The following ETFBKMT variants were observed in gnomAD, a reference collection of about 807,000 sequenced individuals.
ETFBKMT encodes electron transfer flavoprotein subunit beta lysine methyltransferase, also known as electron transfer flavoprotein beta subunit lysine methyltransferase.
ETFBKMT carries 13 observed loss-of-function variants against 18.3 expected under a neutral mutation model. The ratio of observed to expected loss-of-function variants is 0.71; its 90% CI spans 0.46 to 1.13. The LOEUF is 1.13. Among genes scored for constraint, ETFBKMT ranks in the 50% most tolerant of loss-of-function variants. ETFBKMT has a pLI of 0.00. For missense variants in ETFBKMT, 293 were observed against 306.2 expected, an observed-to-expected ratio of 0.96 and a Z score of 0.32; for synonymous variants, 84 against 107.9, an observed-to-expected ratio of 0.78 and a Z score of 1.37.
At chr12:31,654,414 A>G (rs759661926), upstream of ETFBKMT, among the ~76,000 whole-genome samples, 3 of 152,190 alleles carry the variant, frequency 2.0e-5, no homozygotes, top group Non-Finnish European at 4.4e-5. Context: ...TAGCCATTGC[A>G]CTCCTAGGTA....
At chr12:31,659,986 T>TAAAAAA (rs10567575) in intron 1 of ETFBKMT, 197 bp downstream of exon 1, 3 of 101,252 alleles carry the variant, frequency 3.0e-5, no homozygotes, top group Non-Finnish European at 4.0e-5. Context: ...TCGTCTCTAC[T>TAAAAAA]AAAAAAAAAA....
Position 31,648,633 on chromosome 12 carries a change from C to T in ETFBKMT, c.-114+1378C>T, listed in dbSNP as rs529197448. ...CTGGAGTTCAGTGGCGCAATCTCGGCTCACTGCAAGCTCTGCCTCCCGGGT... is the reference window on the plus strand; with the variant it reads ...CTGGAGTTCAGTGGCGCAATCTCGGTTCACTGCAAGCTCTGCCTCCCGGGT... On this transcript the variant is annotated intron_variant, in intron 1 of 3. Transcript: ENST00000412352. Among the ~76,000 whole-genome samples the T allele has an allele frequency of 6.4e-5, 9 of 140,016 alleles. No individual in the cohort carries two copies. The East Asian group carries it at 2.1e-3, about 32-fold the overall frequency. 91.9% of individuals were successfully genotyped at this position (140,016 alleles called of 152,430 possible). A position where few individuals can be genotyped will look rare whatever the true frequency, so the allele number is the denominator to read the frequency against.
chr12:31,663,704 C>T (rs1433398581), intron 2 of ETFBKMT, among the ~76,000 whole-genome samples: 3 of 152,194 alleles, frequency 2.0e-5, no homozygotes, highest in Admixed American at 6.5e-5. Flanking sequence ...GGCTGACCTG[C>T]GAGTGGTATC....
At chr12:31,658,797 G>A (rs1431626448), upstream of ETFBKMT, among the ~76,000 whole-genome samples, 1 of 152,128 alleles carries the variant, frequency 6.6e-6, no homozygotes, top group Non-Finnish European at 1.5e-5. Context: ...GATATATGTA[G>A]ATCCAGACTC....
At chr12:31,665,995 T>G (rs990994583) in intron 2 of ETFBKMT, 92 bp from the exon 3 acceptor site, 8 of 1,114,312 alleles carry the variant, frequency 7.2e-6, no homozygotes, top group East Asian at 2.7e-5. Flanking sequence ...TAGCCAGTTT[T>G]GGGGCCAGTT....
Position 31,670,342 on chromosome 12 carries a change from T to C in ETFBKMT, c.*2352T>C, listed in dbSNP as rs1220218670. 1 of 152,264 alleles carries C rather than the reference T, an allele frequency of 6.6e-6. No homozygotes were observed. The highest frequency in any genetic ancestry group is 2.4e-5 in the African/African-American group (1 of 41,470). The allele number at this position is 152,264 out of a possible 1,614,324, so 9.4% of individuals were successfully genotyped here. The stretch of plus-strand genomic sequence containing the variant: ...TTAATTCTCTAATGGATCTAAGTGT[T>C]GTTGACTTTTCAGTTTATTGAGCTT... On this transcript the variant is annotated 3_prime_UTR_variant, in exon 4 of 4. Coordinates refer to ENST00000357721, the MANE Select transcript of ETFBKMT (RefSeq NM_001135863.2).
chr12:31,647,505 T>TA (rs1446560854), intron 1 of ETFBKMT, among the ~76,000 whole-genome samples: 1 of 152,156 alleles, frequency 6.6e-6, no homozygotes, highest in Non-Finnish European at 1.5e-5. Context: ...ACAGAGGTCA[T>TA]AATAGTATAC....
At chr12:31,651,783 A>C (rs896881603) in intron 1 of ETFBKMT, among the ~76,000 whole-genome samples, 34 of 152,210 alleles carry the variant, frequency 2.2e-4, no homozygotes, top group African/African-American at 7.7e-4. Context: ...AGAAGAAATC[A>C]CTTAGGCAGA....
chr12:31,650,296 C>T (rs937669711), intron 1 of ETFBKMT, among the ~76,000 whole-genome samples: 2 of 152,020 alleles, frequency 1.3e-5, no homozygotes, highest in African/African-American at 4.8e-5. Context: ...ACACTCCCAC[C>T]AGTGCCATGA....
rs754414225 is a variant in ETFBKMT, at chr12:31,661,997, G to A, written c.44G>A (p.Gly15Asp). 2 of 1,614,176 alleles carry A rather than the reference G, an allele frequency of 1.2e-6. No individual in the cohort carries two copies. Among genetic ancestry groups the A allele is most frequent in the South Asian group, 2.2e-5 (2 of 91,088 alleles). The change falls in exon 2 of 4, where the codon GGT becomes GAT. Residue 15 changes from glycine (G) to aspartate (D), a missense_variant. Coordinates refer to ENST00000357721, the MANE Select transcript of ETFBKMT (RefSeq NM_001135863.2). ...LGWKAHRNHCGLLLQALRSSG... is the reference protein window; with the variant it reads ...LGWKAHRNHCDLLLQALRSSG... The stretch of plus-strand genomic sequence containing the variant: ...TGGAAAGCACACAGGAACCACTGTG[G>A]TCTCCTCTTGCAGGCTCTGCGAAGC...
chr12:31,669,569 G>A lies in ETFBKMT; in HGVS notation c.*1579G>A, dbSNP rs1309452166. Reference sequence around the variant, plus strand: ...TACTTTCCCTATCCTCATACCAGAAGAGGGGATTTTTCTCTGATCCTCACC... The same window carrying A: ...TACTTTCCCTATCCTCATACCAGAAAAGGGGATTTTTCTCTGATCCTCACC... On this transcript the variant is annotated 3_prime_UTR_variant, in exon 4 of 4. Coordinates refer to ENST00000357721, the MANE Select transcript of ETFBKMT (RefSeq NM_001135863.2). 2 of 152,250 alleles carry A rather than the reference G, an allele frequency of 1.3e-5. No individual in the cohort carries two copies. The highest frequency in any genetic ancestry group is 2.9e-5 in the Non-Finnish European group (2 of 68,060). 9.4% of individuals were successfully genotyped at this position (152,250 alleles called of 1,614,324 possible).
intron 2 of ETFBKMT, among the ~76,000 whole-genome samples, chr12:31,665,843 G>A (rs1466974887): frequency 6.6e-6 from 1 of 152,280 alleles, no homozygotes; most frequent in Non-Finnish European, 1.5e-5. Context: ...GCTATTGTTT[G>A]TGGTTTAAGA....
intron 1 of ETFBKMT, among the ~76,000 whole-genome samples, chr12:31,653,208 CAA>C (rs33928613): frequency 7.3e-5 from 7 of 95,370 alleles, no homozygotes; most frequent in African/African-American, 8.5e-5. Flanking sequence ...GACTCCGTCT[CAA>C]AAAAAAAAAA....
At chr12:31,660,523 A>C (rs929776683) in intron 1 of ETFBKMT, among the ~76,000 whole-genome samples, 17 of 151,950 alleles carry the variant, frequency 1.1e-4, no homozygotes, top group South Asian at 2.1e-4. Flanking sequence ...GTGTTTTTCT[A>C]TATATATATA....
At position 31,662,195 on chromosome 12, in the gene ETFBKMT, A is replaced by T. The variant is rs779853147; in HGVS notation, c.242A>T (p.Glu81Val). ...ACCCCCAGATGCAAATTCTGGTGGGAGAGAGCTGACCTGTGGCCCCACAGT... is the reference window on the plus strand; with the variant it reads ...ACCCCCAGATGCAAATTCTGGTGGGTGAGAGCTGACCTGTGGCCCCACAGT... Reference protein sequence around the residue: ...LLTPRCKFWWERADLWPHSDP... With the variant: ...LLTPRCKFWWVRADLWPHSDP... The change falls in exon 2 of 4, where the codon GAG becomes GTG. Residue 81 changes from glutamate (E) to valine (V), a missense_variant. Transcript: ENST00000357721. The T allele has an allele frequency of 1.2e-6, 2 of 1,614,078 alleles. No individual in the cohort carries two copies.
chr12:31,653,905 G>A (rs757345890), intron 1 of ETFBKMT, among the ~76,000 whole-genome samples: 4 of 152,036 alleles, frequency 2.6e-5, no homozygotes, highest in African/African-American at 7.2e-5. Flanking sequence ...CTGAGATAGC[G>A]CTACTGCACT....
At chr12:31,659,986 TAAAAAA>T (rs10567575) in intron 1 of ETFBKMT, 197 bp downstream of exon 1, 4 of 101,302 alleles carry the variant, frequency 3.9e-5, no homozygotes, top group Non-Finnish European at 7.9e-5. Context: ...TCGTCTCTAC[TAAAAAA>T]AAAAAAAAAA....
upstream of ETFBKMT, among the ~76,000 whole-genome samples, chr12:31,658,594 C>T (rs1314586975): frequency 1.3e-5 from 2 of 152,186 alleles, no homozygotes. Flanking sequence ...TAATTTTGAA[C>T]AGGCAGGTGC....
Position 31,668,740 on chromosome 12 carries a change from GC to G in ETFBKMT, c.*752del, listed in dbSNP as rs1951230511. 1 of 152,176 alleles carries G rather than the reference GC, an allele frequency of 6.6e-6. No homozygotes were observed. Among genetic ancestry groups the G allele is most frequent in the Non-Finnish European group, 1.5e-5 (1 of 68,048 alleles). The allele number at this position is 152,176 out of a possible 1,614,324, so 9.4% of individuals were successfully genotyped here. On this transcript the variant is annotated 3_prime_UTR_variant, in exon 4 of 4. Coordinates refer to ENST00000357721, the MANE Select transcript of ETFBKMT (RefSeq NM_001135863.2). The stretch of plus-strand genomic sequence containing the variant: ...ACTCCTGACCTCAGGTGATCCACCC[GC>G]CTTGGCCTCCCAAAGTGCTAGGATT...
Sources: allele counts gnomAD v4.1 joint callset (sites outside exome capture counted in the v4.1 genomes callset), GRCh38; gene constraint gnomAD v4.1.1; transcripts MANE v1.5; gene names NCBI Gene and HGNC (gene_info 2026-07-23, HGNC 2026-07-21).